The following FRS2 variants were observed in gnomAD, a reference collection of about 807,000 sequenced individuals.
FRS2 encodes FGFR signalling adaptor.
A neutral mutation model predicts 43.9 loss-of-function variants in FRS2; 8 were observed. That is an observed-to-expected ratio of 0.18 (90% CI 0.11 to 0.33). The LOEUF (loss-of-function observed/expected upper bound fraction) is 0.33. FRS2 is among the 10% of genes least tolerant of loss of function. The pLI is 1.00. For synonymous variants in FRS2, 219 were observed against 220.3 expected (o/e 0.99, Z 0.05); for missense variants, 534 against 627.6 (o/e 0.85, Z 1.59).
Position 69,476,569 on chromosome 12 carries a change from T to C in FRS2, c.-261+6039T>C, listed in dbSNP as rs144453038. 1.8e-4 allele frequency among the ~76,000 whole-genome samples: 28 copies of C among 152,256 alleles called. No homozygotes were observed. The East Asian group carries it at 5.4e-3, about 29-fold the overall frequency. The stretch of plus-strand genomic sequence containing the variant: ...TACAAATATCAGTATTCAAAATGCT[T>C]TCTAGAGAAAGAATAGTGCAGCACT... On this transcript the variant is annotated intron_variant, in intron 1 of 8. Transcript: ENST00000549921.
rs529133007 is a variant in FRS2 at position 69,557,619 on chromosome 12, T to TGCGCGCGCGC, written c.-121-4552_-121-4543dup. Among the ~76,000 whole-genome samples the TGCGCGCGCGC allele has an allele frequency of 3.1e-3, 368 of 118,980 alleles. 2 individuals carry two copies. The highest frequency in any genetic ancestry group is 5.7e-3 in the African/African-American group (202 of 35,150). 78.1% of individuals were successfully genotyped at this position (118,980 alleles called of 152,430 possible). On this transcript the variant is annotated intron_variant, in intron 3 of 8. Coordinates refer to ENST00000549921, the MANE Select transcript of FRS2 (RefSeq NM_001278356.2). Reference sequence around the variant, plus strand: ...TTGTGTGTGTGTGTGTGTGTGTGTGTGCGCGCGCGCGCGCGCGCAGGTGCA... The same window carrying TGCGCGCGCGC: ...TTGTGTGTGTGTGTGTGTGTGTGTGTGCGCGCGCGCGCGCGCGCGCGCGCGCGCAGGTGCA...
intron 3 of FRS2, among the ~76,000 whole-genome samples, chr12:69,533,236 C>G (rs535639090): frequency 4.6e-5 from 7 of 152,296 alleles, no homozygotes; most frequent in Admixed American, 4.6e-4. Context: ...GCAGTGAATA[C>G]TGTAGGCCAT....
chr12:69,564,412 A>G (rs1405250094), intron 4 of FRS2, among the ~76,000 whole-genome samples: 4 of 152,134 alleles, frequency 2.6e-5, no homozygotes, highest in African/African-American at 7.2e-5. Context: ...TCCCTCAAAC[A>G]CATACTTATG....
intron 4 of FRS2, among the ~76,000 whole-genome samples, chr12:69,565,103 A>G (rs1030371256): frequency 6.6e-6 from 1 of 152,238 alleles, no homozygotes; most frequent in Non-Finnish European, 1.5e-5. Flanking sequence ...CCTAGGATAT[A>G]TGGTATAGCC....
intron 1 of FRS2, among the ~76,000 whole-genome samples, chr12:69,506,498 A>G (rs1475352075): frequency 6.6e-6 from 1 of 151,990 alleles, no homozygotes; most frequent in Non-Finnish European, 1.5e-5. Flanking sequence ...TTCTTTTCTC[A>G]TCTGACTGAT....
chr12:69,535,864 CTTTA>C (rs72108879), intron 3 of FRS2, among the ~76,000 whole-genome samples: 3,014 of 151,914 alleles, frequency 0.02, 105 homozygotes, highest in African/African-American at 0.068. Context: ...TTAATTTTTG[CTTTA>C]TTTATTTTGA....
At chr12:69,558,891 G>T (rs1879654512) in intron 3 of FRS2, among the ~76,000 whole-genome samples, 1 of 152,204 alleles carries the variant, frequency 6.6e-6, no homozygotes, top group South Asian at 2.1e-4. Flanking sequence ...TCAGTGTATG[G>T]ATAGGGAAAT....
At chr12:69,478,522 C>T (rs1037920966) in intron 1 of FRS2, among the ~76,000 whole-genome samples, 2 of 152,168 alleles carry the variant, frequency 1.3e-5, no homozygotes, top group Admixed American at 6.5e-5. Context: ...ATCTTCATGA[C>T]ACCTCTCACC....
At chr12:69,525,845 A>G (rs556848838) in intron 1 of FRS2, among the ~76,000 whole-genome samples, 5 of 59,762 alleles carry the variant, frequency 8.4e-5, no homozygotes, top group African/African-American at 4.2e-4. Flanking sequence ...GGGAAACTTT[A>G]TTTATTTTGA....
intron 3 of FRS2, among the ~76,000 whole-genome samples, chr12:69,540,176 C>G (rs999531677): frequency 6.6e-6 from 1 of 151,560 alleles, no homozygotes; most frequent in Admixed American, 6.6e-5. Context: ...TGACATGAAC[C>G]CAGGAGGCAG....
intron 3 of FRS2, among the ~76,000 whole-genome samples, chr12:69,537,080 A>T (rs1877390601): frequency 6.6e-6 from 1 of 152,118 alleles, no homozygotes; most frequent in African/African-American, 2.4e-5. Flanking sequence ...TGCTTTTCTT[A>T]GGAAAGTCCA....
At chr12:69,492,550 G>A (rs1430524161) in intron 1 of FRS2, among the ~76,000 whole-genome samples, 1 of 152,202 alleles carries the variant, frequency 6.6e-6, no homozygotes, top group Non-Finnish European at 1.5e-5. Flanking sequence ...TGTATGTTAA[G>A]CATAGTTTAT....
At chr12:69,548,222 A>G (rs1274828287) in intron 3 of FRS2, among the ~76,000 whole-genome samples, 3 of 152,210 alleles carry the variant, frequency 2.0e-5, no homozygotes, top group Non-Finnish European at 4.4e-5. Flanking sequence ...CAGGACAATC[A>G]GAGGCAAAGA....
chr12:69,505,457 G>A (rs1873842436), intron 1 of FRS2, among the ~76,000 whole-genome samples: 1 of 152,156 alleles, frequency 6.6e-6, no homozygotes, highest in Admixed American at 6.5e-5. Context: ...TCATACTAGG[G>A]AAAATGTTTG....
At chr12:69,508,172 A>G (rs1302128038) in intron 1 of FRS2, among the ~76,000 whole-genome samples, 1 of 151,158 alleles carries the variant, frequency 6.6e-6, no homozygotes, top group African/African-American at 2.4e-5. Context: ...GTCCATTTGT[A>G]TCATTTGACA....
intron 1 of FRS2, among the ~76,000 whole-genome samples, chr12:69,492,047 A>G (rs1168746081): frequency 6.6e-6 from 1 of 152,140 alleles, no homozygotes; most frequent in Non-Finnish European, 1.5e-5. Context: ...TATTTTCTCT[A>G]TTTTTATTAA....
intron 4 of FRS2, among the ~76,000 whole-genome samples, chr12:69,563,833 T>C (rs1042914177): frequency 3.9e-5 from 6 of 152,176 alleles, no homozygotes; most frequent in African/African-American, 1.4e-4. Context: ...CTTATGTCTT[T>C]CCTCTCTCCT....
Position 69,523,107 on chromosome 12 carries a change from T to G in FRS2, c.-260-7758T>G, listed in dbSNP as rs138413771. On this transcript the variant is annotated intron_variant, in intron 1 of 8. Coordinates refer to ENST00000549921, the MANE Select transcript of FRS2 (RefSeq NM_001278356.2). ...TTTATATCGGGTTCATTTGGTCCAGTGTTGAGTTCAGGTCCTGAATATCTT... is the reference window on the plus strand; with the variant it reads ...TTTATATCGGGTTCATTTGGTCCAGGGTTGAGTTCAGGTCCTGAATATCTT... 7.1e-3 allele frequency among the ~76,000 whole-genome samples: 1,077 copies of G among 152,322 alleles called. 14 individuals carry two copies. Among genetic ancestry groups the G allele is most frequent in the African/African-American group, 0.024 (1,013 of 41,574 alleles).
At chr12:69,474,420 G>A (rs542696212) in intron 1 of FRS2, among the ~76,000 whole-genome samples, 12 of 126,272 alleles carry the variant, frequency 9.5e-5, no homozygotes, top group African/African-American at 3.2e-4. Flanking sequence ...GAATGTAGAG[G>A]GGAAAGAAAA....
Sources: allele counts gnomAD v4.1 joint callset (sites outside exome capture counted in the v4.1 genomes callset), GRCh38; gene constraint gnomAD v4.1.1; transcripts MANE v1.5; gene names NCBI Gene and HGNC (gene_info 2026-07-23, HGNC 2026-07-21).